Variants in RAD51B observed in about 807,000 individuals in gnomAD.
RAD51B encodes DNA repair protein RAD51 homolog 2.
RAD51B carries 38 observed loss-of-function variants against 42.2 expected under a neutral mutation model. The observed-to-expected ratio is 0.90, with a 90% confidence interval of 0.70 to 1.18. The LOEUF (loss-of-function observed/expected upper bound fraction) is 1.18. Among genes scored for constraint, RAD51B ranks in the 50% most tolerant of loss-of-function variants. RAD51B has a pLI of 0.00. For missense variants in RAD51B, 373 were observed against 400.7 expected (o/e 0.93, Z 0.59); for synonymous variants, 154 against 145.2 (o/e 1.06, Z -0.43).
rs139355723 is a variant in RAD51B at position 68,399,601 on chromosome 14, T to G, written c.854-11823T>G. Among the ~76,000 whole-genome samples, 253 of 152,344 alleles carry G rather than the reference T, an allele frequency of 1.7e-3. 1 individual carries two copies. The highest frequency in any genetic ancestry group is 6.0e-3 in the African/African-American group (250 of 41,578). Reference sequence around the variant, plus strand: ...CTTTGCCTCATTTATTTTTATCTCTTGTATATTAGTTACCAATTTATTTTA... The same window carrying G: ...CTTTGCCTCATTTATTTTTATCTCTGGTATATTAGTTACCAATTTATTTTA... On this transcript the variant is annotated intron_variant, in intron 8 of 10. Transcript: ENST00000471583.
chr14:68,012,003 T>A (rs961754463), intron 7 of RAD51B, among the ~76,000 whole-genome samples: 3 of 152,240 alleles, frequency 2.0e-5, no homozygotes, highest in East Asian at 1.9e-4. Flanking sequence ...CACAGAGATA[T>A]CTATGTGGAT....
chr14:68,014,026 C>A (rs2075732407), intron 7 of RAD51B, among the ~76,000 whole-genome samples: 1 of 152,046 alleles, frequency 6.6e-6, no homozygotes. Context: ...ATATCTTGGT[C>A]TTGTTGTGAT....
chr14:68,639,100 G>A (rs139238418), intron 10 of RAD51B, among the ~76,000 whole-genome samples: 1 of 152,176 alleles, frequency 6.6e-6, no homozygotes, highest in East Asian at 1.9e-4. Context: ...GAGCTTCCTT[G>A]GGGGAGGGGA....
At chr14:68,505,744 G>A (rs965634580) in intron 10 of RAD51B, among the ~76,000 whole-genome samples, 4 of 151,870 alleles carry the variant, frequency 2.6e-5, no homozygotes, top group African/African-American at 9.7e-5. Context: ...ATAGAGATGG[G>A]GTTTCACCAT....
intron 7 of RAD51B, among the ~76,000 whole-genome samples, chr14:68,157,292 T>G (rs1262145854): frequency 6.6e-6 from 1 of 152,228 alleles, no homozygotes; most frequent in Non-Finnish European, 1.5e-5. Flanking sequence ...AGAGTGCTAT[T>G]AAAAGTTCAC....
chr14:68,380,097 A>G (rs2083451145), intron 8 of RAD51B, among the ~76,000 whole-genome samples: 1 of 152,108 alleles, frequency 6.6e-6, no homozygotes, highest in Non-Finnish European at 1.5e-5. Flanking sequence ...TTTTGCTGTC[A>G]TTCTCTTAAA....
intron 10 of RAD51B, among the ~76,000 whole-genome samples, chr14:68,549,409 A>ATTTTTTTTTTTTTTTTTTTTT (rs71129897): frequency 3.1e-5 from 2 of 63,576 alleles, no homozygotes; most frequent in Non-Finnish European, 6.5e-5. Flanking sequence ...CCCTGGACAC[A>ATTTTTTTTTTTTTTTTTTTTT]TTTTTTTTTT....
At chr14:68,127,287 C>G (rs1262294099) in intron 7 of RAD51B, among the ~76,000 whole-genome samples, 1 of 152,108 alleles carries the variant, frequency 6.6e-6, no homozygotes, top group East Asian at 1.9e-4. Context: ...CCTGAGTGGT[C>G]TGTTCACTCC....
chr14:68,360,537 A>G (rs1319952386), intron 8 of RAD51B, among the ~76,000 whole-genome samples: 2 of 152,190 alleles, frequency 1.3e-5, no homozygotes, highest in Non-Finnish European at 2.9e-5. Context: ...TGTGCCATGT[A>G]CTAGGTCTTT....
At chr14:68,507,546 C>G (rs185589562) in intron 10 of RAD51B, among the ~76,000 whole-genome samples, 1 of 152,098 alleles carries the variant, frequency 6.6e-6, no homozygotes, top group Admixed American at 6.5e-5. Context: ...CACCTGTAAG[C>G]GAACATTCTG....
At chr14:68,257,816 G>A (rs2139527437) in intron 7 of RAD51B, among the ~76,000 whole-genome samples, 2 of 152,158 alleles carry the variant, frequency 1.3e-5, no homozygotes, top group East Asian at 3.9e-4. Context: ...TCATAGAAGT[G>A]GAGTCCATGT....
chr14:68,484,674 T>C (rs904095491), intron 10 of RAD51B, among the ~76,000 whole-genome samples: 1 of 152,122 alleles, frequency 6.6e-6, no homozygotes, highest in South Asian at 2.1e-4. Context: ...GCTATTTTCA[T>C]TGGGAAGAGG....
chr14:68,412,952 C>G (rs962182458), intron 9 of RAD51B, among the ~76,000 whole-genome samples: 1 of 152,132 alleles, frequency 6.6e-6, no homozygotes, highest in Non-Finnish European at 1.5e-5. Context: ...TTGAGTCATT[C>G]GTTTTCATGG....
intron 7 of RAD51B, among the ~76,000 whole-genome samples, chr14:68,150,839 T>C (rs1255708042): frequency 6.6e-6 from 1 of 152,194 alleles, no homozygotes; most frequent in Non-Finnish European, 1.5e-5. Flanking sequence ...ACATACAGTA[T>C]AAGAACCTTA....
At position 68,540,203 on chromosome 14, in the gene RAD51B, C is replaced by G. The variant is rs539318932; in HGVS notation, c.1037-54282C>G. On this transcript the variant is annotated intron_variant, in intron 10 of 10. Transcript: ENST00000487270. Reference sequence around the variant, plus strand: ...TTTTTTTTTTTTTTAAATACAGGATCTAGAGAATTCAAATGATCTGCTCGA... The same window carrying G: ...TTTTTTTTTTTTTTAAATACAGGATGTAGAGAATTCAAATGATCTGCTCGA... 309 of 470,546 alleles carry G rather than the reference C, an allele frequency of 6.6e-4. 6 individuals carry two copies. In the South Asian group the frequency reaches 8.2e-3, roughly 13 times the overall value. The allele number at this position is 470,546 out of a possible 1,614,324, so 29.1% of individuals were successfully genotyped here. A position where few individuals can be genotyped will look rare whatever the true frequency, so the allele number is the denominator to read the frequency against.
intron 11 of RAD51B, among the ~76,000 whole-genome samples, chr14:68,665,280 G>A (rs1003975543): frequency 3.9e-5 from 6 of 152,266 alleles, no homozygotes; most frequent in African/African-American, 1.2e-4. Context: ...GTGGGATGAC[G>A]CCATTGGGTA....
intron 7 of RAD51B, among the ~76,000 whole-genome samples, chr14:67,993,667 A>G (rs1376199902): frequency 6.7e-6 from 1 of 150,306 alleles, no homozygotes; most frequent in Admixed American, 6.6e-5. Context: ...GAGTGCAGAT[A>G]TCTCTTTGAT....
At chr14:67,840,428 A>G (rs2041387756) in intron 4 of RAD51B, among the ~76,000 whole-genome samples, 1 of 152,188 alleles carries the variant, frequency 6.6e-6, no homozygotes, top group Non-Finnish European at 1.5e-5. Flanking sequence ...ATAATGACCA[A>G]GAGCTGCATC....
chr14:68,673,481 A>G (rs1041463214), intron 11 of RAD51B, among the ~76,000 whole-genome samples: 2 of 152,000 alleles, frequency 1.3e-5, no homozygotes, highest in African/African-American at 4.8e-5. Flanking sequence ...ACATGTACAC[A>G]CATGCACATA....
Sources: allele counts gnomAD v4.1 joint callset (sites outside exome capture counted in the v4.1 genomes callset), GRCh38; gene constraint gnomAD v4.1.1; transcripts MANE v1.5; gene names NCBI Gene and HGNC (gene_info 2026-07-23, HGNC 2026-07-21).